PCDHGB4: variants seen among roughly 807,000 people sequenced by gnomAD.
The protein encoded by PCDHGB4 is protocadherin gamma-B4.
PCDHGB4 carries 38 observed loss-of-function variants against 60.5 expected under a neutral mutation model. The ratio of observed to expected loss-of-function variants is 0.63; its 90% CI spans 0.48 to 0.82. PCDHGB4 has a LOEUF of 0.82. Among genes scored for constraint, PCDHGB4 ranks in the 40% least tolerant of loss-of-function variants. PCDHGB4 has a pLI of 0.00. For synonymous variants in PCDHGB4, 456 were observed against 509.7 expected (o/e 0.89, Z 1.42); for missense variants, 1,109 against 1,209.6 (o/e 0.92, Z 1.23).
At position 141,388,743 on chromosome 5, in the gene PCDHGB4, A is replaced by G. The variant is rs1228676619; in HGVS notation, c.859A>G (p.Ile287Val). The G allele has an allele frequency of 6.2e-7, 1 of 1,613,916 alleles. No individual in the cohort carries two copies. Among genetic ancestry groups the G allele is most frequent in the Non-Finnish European group, 8.5e-7 (1 of 1,179,902 alleles). The change falls in exon 1 of 4, where the codon ATC becomes GTC. Residue 287 changes from isoleucine to valine, a missense_variant. Ile to Val is a conservative substitution (Grantham distance 29). Transcript: ENST00000519479. ...ITFSFSEASQ[I>V]TQFDLNSNTG... is the part of the protein sequence containing the mutation. ...TTTCTCTTTCAGTGAAGCTAGCCAG[A>G]TCACCCAATTTGACCTGAACTCTAA...
In PCDHGB4 at chr5:141,490,072, G is replaced by A; in HGVS notation, c.2398-4735G>A. On this transcript the variant is annotated intron_variant, in intron 1 of 3. Transcript: ENST00000519479. This position sits in a 1 kb window ranked among gnomAD's most constrained non-coding sequence, Gnocchi z 5.4. ...AGACGAGGGCACCAACGGCCAACTA[G>A]ACTATTCTTTTGGAGACCACACATC... is the stretch of plus-strand genomic sequence containing the variant. The A allele has an allele frequency of 6.2e-7, 1 of 1,614,254 alleles. No homozygotes were observed. The highest frequency in any genetic ancestry group is 8.5e-7 in the Non-Finnish European group (1 of 1,180,042).
At chr5:141,414,878 A>G in intron 1 of PCDHGB4, 2 of 1,614,026 alleles carry the variant, frequency 1.2e-6, no homozygotes, top group Non-Finnish European at 1.7e-6. Context: ...GAGATCCTGT[A>G]CCCCGCCCTC....
intron 2 of PCDHGB4, among the ~76,000 whole-genome samples, chr5:141,498,994 AAGGAAGGAAGG>A (rs2099788184): frequency 2.0e-5 from 3 of 148,560 alleles, no homozygotes; most frequent in Non-Finnish European, 4.5e-5. Flanking sequence ...GGAAGGAAGG[AAGGAAGGAAGG>A]AAGGAAGGAA....
chr5:141,399,194 C>A (rs770516092), intron 1 of PCDHGB4: 24 of 1,613,720 alleles, frequency 1.5e-5, no homozygotes, highest in Non-Finnish European at 1.5e-5. Context: ...CTGGAAAACG[C>A]GGTGCCTGGA....
intron 1 of PCDHGB4, chr5:141,415,230 A>G (rs1222982593): frequency 6.2e-7 from 1 of 1,614,050 alleles, no homozygotes; most frequent in Non-Finnish European, 8.5e-7. Context: ...TCGAGTCTCC[A>G]GCTAACTCTG....
At chr5:141,508,242 GC>G (rs1344624071) in intron 3 of PCDHGB4, 1 of 152,310 alleles carries the variant, frequency 6.6e-6, no homozygotes, top group African/African-American at 2.4e-5. Context: ...TCCTAAGTCT[GC>G]CTCTCCTGGG....
rs72790032 is a variant in PCDHGB4 at position 141,393,544 on chromosome 5, A to G, written c.2397+3263A>G. On this transcript the variant is annotated intron_variant, in intron 1 of 3. Coordinates refer to ENST00000519479, the MANE Select transcript of PCDHGB4 (RefSeq NM_003736.4). ...AATGACAATGCCCCGGTTTTTCCTC[A>G]CCCGATTTACCGAGTGAAAGTCCTT... 18,579 of 1,613,800 alleles carry G rather than the reference A, an allele frequency of 0.012. 149 individuals carry two copies. The highest frequency in any genetic ancestry group is 0.014 in the Non-Finnish European group (16,983 of 1,179,880).
Position 141,413,755 on chromosome 5 carries a change from A to T in PCDHGB4, c.2397+23474A>T, listed in dbSNP as rs199577406. On this transcript the variant is annotated intron_variant, in intron 1 of 3. Transcript: ENST00000519479. ...AGTTCAGAGCCGTGCCAATGGCGTC[A>T]AGTACCCGGAGCTGGTACTGGAGCA... 1.6e-4 allele frequency: 266 copies of T among 1,612,936 alleles called. 3 individuals carry two copies. In the South Asian group the frequency reaches 2.3e-3, roughly 14 times the overall value.
intron 1 of PCDHGB4, chr5:141,405,537 A>G (rs2094682119): frequency 3.1e-6 from 2 of 643,630 alleles, no homozygotes; most frequent in Middle Eastern, 4.2e-4. Context: ...CTCCTGCCTC[A>G]GCCTCCCAAG....
intron 1 of PCDHGB4, chr5:141,424,567 A>T (rs1034112526): frequency 3.3e-5 from 5 of 152,176 alleles, no homozygotes; most frequent in African/African-American, 7.2e-5. Flanking sequence ...CTTCTCAAAA[A>T]CCTATTTTCA....
At chr5:141,502,368 G>A (rs2099813930) in intron 2 of PCDHGB4, among the ~76,000 whole-genome samples, 1 of 151,996 alleles carries the variant, frequency 6.6e-6, no homozygotes, top group East Asian at 1.9e-4. Context: ...TATTTTTAAA[G>A]AGTCCAGGCC....
intron 1 of PCDHGB4, among the ~76,000 whole-genome samples, chr5:141,488,398 A>T (rs2099675065): frequency 6.6e-6 from 1 of 152,192 alleles, no homozygotes; most frequent in African/African-American, 2.4e-5. Flanking sequence ...GAAACCATGA[A>T]ACCTAGAAGC....
chr5:141,410,847 G>GTATTTTTTT, intron 1 of PCDHGB4: 1 of 158,252 alleles, frequency 6.3e-6, no homozygotes, highest in African/African-American at 8.4e-5. Context: ...TTTTGTCTTT[G>GTATTTTTTT]TCTTTTTTTT....
intron 1 of PCDHGB4, chr5:141,402,840 T>C: frequency 7.2e-7 from 1 of 1,388,218 alleles, no homozygotes; most frequent in Non-Finnish European, 9.5e-7. Flanking sequence ...GCAGCAAAAC[T>C]CAGCCTCTTT....
intron 1 of PCDHGB4, chr5:141,405,363 C>G (rs765508317): frequency 5.0e-6 from 8 of 1,613,808 alleles, no homozygotes; most frequent in Non-Finnish European, 6.8e-6. Context: ...ATAGAAGACA[C>G]CCCTTTGGTT....
chr5:141,420,079 C>A, intron 1 of PCDHGB4: 1 of 1,613,998 alleles, frequency 6.2e-7, no homozygotes, highest in Non-Finnish European at 8.5e-7. Flanking sequence ...CTGTGGGTCC[C>A]CCCAACTACA....
At position 141,511,399 on chromosome 5, in the gene PCDHGB4, A is replaced by C; in HGVS notation, c.*226A>C. 1.0e-6 allele frequency: 1 copy of C among 987,714 alleles called. No homozygotes were observed. The highest frequency in any genetic ancestry group is 1.4e-6 in the Non-Finnish European group (1 of 693,342). The allele number at this position is 987,714 out of a possible 1,614,324, so 61.2% of individuals were successfully genotyped here. ...CAGTTCCGCTGGGAACCCCCATCCA[A>C]TCAACTGCTGTACCCATGGGGGTAG... On this transcript the variant is annotated 3_prime_UTR_variant, in exon 4 of 4. Transcript: ENST00000519479.
intron 1 of PCDHGB4, chr5:141,395,051 A>G: frequency 6.2e-7 from 1 of 1,614,178 alleles, no homozygotes; most frequent in Non-Finnish European, 8.5e-7. Flanking sequence ...TTGAGGAGGT[A>G]CAGGCTTTCC....
Position 141,490,503 on chromosome 5 carries a change from C to A in PCDHGB4, c.2398-4304C>A, listed in dbSNP as rs2099701103. On this transcript the variant is annotated intron_variant, in intron 1 of 3. Coordinates refer to ENST00000519479, the MANE Select transcript of PCDHGB4 (RefSeq NM_003736.4). The surrounding 1 kb of genome is among the most constrained non-coding windows in gnomAD (Gnocchi z 5.4). ...ACCGGGAGGCCACATCCCACTATAT[C>A]ATCGAGCTGCTGGCCAGCGATGCTG... 3.7e-6 allele frequency: 6 copies of A among 1,614,206 alleles called. No individual in the cohort carries two copies. In the African/African-American group the frequency reaches 8.0e-5, roughly 22 times the overall value.
Sources: gnomAD v4.1 joint callset for allele counts (sites outside exome capture counted in the v4.1 genomes callset) on GRCh38, gnomAD v4.1.1 for gene constraint, Gnocchi (gnomAD v3.1) non-coding constraint, MANE v1.5 for transcripts, NCBI Gene and HGNC (gene_info 2026-07-23, HGNC 2026-07-21) for gene names.